Variants in PDE1A observed in about 807,000 individuals in gnomAD.
PDE1A encodes phosphodiesterase 1A.
PDE1A carries 35 observed loss-of-function variants against 61.7 expected under a neutral mutation model. That is an observed-to-expected ratio of 0.57 (90% CI 0.43 to 0.75). The LOEUF is 0.75. Among genes scored for constraint, PDE1A ranks in the 30% least tolerant of loss-of-function variants. The pLI is 0.00. For synonymous variants in PDE1A, 232 were observed against 213.2 expected (o/e 1.09, Z -0.77); for missense variants, 597 against 630.6 (o/e 0.95, Z 0.57).
chr2:182,574,391 G>A, the PDE1A span, among the ~76,000 whole-genome samples: 1 of 152,008 alleles, frequency 6.6e-6, no homozygotes, highest in African/African-American at 2.4e-5. Flanking sequence ...TCCAACCCTT[G>A]TCAACTTGAA....
intron 1 of PDE1A, among the ~76,000 whole-genome samples, chr2:182,416,680 G>C (rs747639017): frequency 1.3e-5 from 2 of 152,148 alleles, no homozygotes; most frequent in South Asian, 2.1e-4. Context: ...GAAGCACAGT[G>C]AATTTCAGAA....
chr2:182,186,702 A>G (rs1685235732), intron 11 of PDE1A, 114 bp from the exon 12 acceptor site: 2 of 979,920 alleles, frequency 2.0e-6, no homozygotes, highest in East Asian at 5.2e-5. Flanking sequence ...GCAAGAATCA[A>G]CTAAAATATT....
At chr2:182,362,714 G>A (rs1041844899) in intron 1 of PDE1A, among the ~76,000 whole-genome samples, 1 of 151,952 alleles carries the variant, frequency 6.6e-6, no homozygotes, top group Admixed American at 6.6e-5. Flanking sequence ...TCCCATTACT[G>A]GGTATATACC....
At chr2:182,613,894 C>T in the PDE1A span, among the ~76,000 whole-genome samples, 1 of 152,196 alleles carries the variant, frequency 6.6e-6, no homozygotes. Context: ...AATATTAGAT[C>T]ATGCCACACT....
chr2:182,695,666 C>CAAAAAAAAAAAAAAAAAAAA, the PDE1A span, among the ~76,000 whole-genome samples: 1 of 32,886 alleles, frequency 3.0e-5, no homozygotes, highest in Non-Finnish European at 6.0e-5. Context: ...GGCCCTCTCT[C>CAAAAAAAAAAAAAAAAAAAA]AAAAAAAAAA....
intron 2 of PDE1A, among the ~76,000 whole-genome samples, chr2:182,494,035 C>G (rs1208106593): frequency 6.6e-6 from 1 of 152,190 alleles, no homozygotes; most frequent in East Asian, 1.9e-4. Context: ...TGATAATGTT[C>G]CTTAATTTGG....
chr2:182,218,397 T>C (rs981108934), intron 7 of PDE1A, among the ~76,000 whole-genome samples: 3 of 144,162 alleles, frequency 2.1e-5, no homozygotes, highest in African/African-American at 7.8e-5. Flanking sequence ...TGTGCACATG[T>C]TCCCTAAAAC....
chr2:182,696,122 A>G, the PDE1A span, among the ~76,000 whole-genome samples: 1 of 152,344 alleles, frequency 6.6e-6, no homozygotes, highest in Non-Finnish European at 1.5e-5. Flanking sequence ...TATTTACTCA[A>G]AGGAGTTGAA....
intron 1 of PDE1A, among the ~76,000 whole-genome samples, chr2:182,277,891 T>C (rs1234112457): frequency 6.6e-6 from 1 of 152,044 alleles, no homozygotes; most frequent in Non-Finnish European, 1.5e-5. Flanking sequence ...TGGCTCACAC[T>C]GTCACTTGGT....
chr2:182,171,498 G>C (rs927324110), intron 13 of PDE1A, among the ~76,000 whole-genome samples: 1 of 151,836 alleles, frequency 6.6e-6, no homozygotes, highest in African/African-American at 2.4e-5. Context: ...TGAGAAGAGA[G>C]ATAGATAGAG....
downstream of PDE1A, among the ~76,000 whole-genome samples, chr2:182,143,189 C>T (rs1690310717): frequency 6.6e-6 from 1 of 151,962 alleles, no homozygotes; most frequent in African/African-American, 2.4e-5. Flanking sequence ...AGTTAAAAAC[C>T]AATGGATCAT....
intron 7 of PDE1A, among the ~76,000 whole-genome samples, chr2:182,222,735 GA>G (rs58684572): frequency 1.3e-5 from 2 of 150,838 alleles, no homozygotes; most frequent in Non-Finnish European, 3.0e-5. Flanking sequence ...CTATTAATTA[GA>G]AAAAAAAATC....
intron 13 of PDE1A, among the ~76,000 whole-genome samples, chr2:182,157,545 G>A (rs1691160228): frequency 6.6e-6 from 1 of 152,134 alleles, no homozygotes; most frequent in Non-Finnish European, 1.5e-5. Flanking sequence ...CTTTGTATGA[G>A]TTTCCATCTA....
At chr2:182,380,214 C>G (rs1362558531) in intron 1 of PDE1A, among the ~76,000 whole-genome samples, 1 of 150,912 alleles carries the variant, frequency 6.6e-6, no homozygotes, top group East Asian at 2.0e-4. Context: ...GGGTTCACAC[C>G]ATTCTCCTGC....
At chr2:182,370,034 G>T (rs62190186) in intron 1 of PDE1A, among the ~76,000 whole-genome samples, 1 of 151,732 alleles carries the variant, frequency 6.6e-6, no homozygotes, top group Non-Finnish European at 1.5e-5. Context: ...AAAATTAGCC[G>T]GGCGTGGTGG....
At chr2:182,653,823 T>C in the PDE1A span, among the ~76,000 whole-genome samples, 1 of 152,136 alleles carries the variant, frequency 6.6e-6, no homozygotes, top group South Asian at 2.1e-4. Flanking sequence ...TCATTGCTAC[T>C]CTGAAACTCT....
At chr2:182,331,414 T>C (rs1697399555) in intron 1 of PDE1A, among the ~76,000 whole-genome samples, 1 of 152,196 alleles carries the variant, frequency 6.6e-6, no homozygotes, top group Non-Finnish European at 1.5e-5. Context: ...TTATTTTGCC[T>C]AATAGTTGAC....
intron 6 of PDE1A, 25 bp from the exon 7 acceptor site, chr2:182,223,989 T>C: frequency 1.3e-6 from 2 of 1,497,122 alleles, no homozygotes; most frequent in South Asian, 1.1e-5. Context: ...AAAGAATCCA[T>C]TATATTCAAG....
At chr2:182,465,662 T>G (rs1191574902) in intron 2 of PDE1A, among the ~76,000 whole-genome samples, 1 of 152,064 alleles carries the variant, frequency 6.6e-6, no homozygotes, top group Non-Finnish European at 1.5e-5. Flanking sequence ...AAGCAATAAT[T>G]TTTGTCCAGT....
Sources: allele counts gnomAD v4.1 joint callset (sites outside exome capture counted in the v4.1 genomes callset), GRCh38; gene constraint gnomAD v4.1.1; transcripts MANE v1.5; gene names NCBI Gene and HGNC (gene_info 2026-07-23, HGNC 2026-07-21).